The following ZNF565 variants were observed in gnomAD, a reference collection of about 807,000 sequenced individuals.
ZNF565 encodes the protein zinc finger protein 565.
Under a neutral mutation model 39.4 loss-of-function variants are expected in ZNF565, and 27 were observed. The observed-to-expected ratio is 0.69, with a 90% CI of 0.51 to 0.95. ZNF565 has a LOEUF of 0.95. ZNF565 is among the 40% of genes least tolerant of loss of function. ZNF565 has a pLI of 0.00. For synonymous variants in ZNF565, 185 were observed against 216.6 expected (o/e 0.85, Z 1.28); for missense variants, 524 against 621.1 (o/e 0.84, Z 1.66).
At chr19:36,211,449 T>TCTCTCACACACACACA (rs1229625965) in intron 1 of ZNF565, among the ~76,000 whole-genome samples, 1 of 137,676 alleles carries the variant, frequency 7.3e-6, no homozygotes, top group African/African-American at 2.7e-5. Flanking sequence ...CAACTCTCTC[T>TCTCTCACACACACACA]CACACACACA....
chr19:36,233,073 T>A (rs555648018), intron 1 of ZNF565, among the ~76,000 whole-genome samples: 1 of 152,240 alleles, frequency 6.6e-6, no homozygotes, highest in Non-Finnish European at 1.5e-5. Context: ...AAATTAAATA[T>A]GTATTTTCTA....
intron 1 of ZNF565, among the ~76,000 whole-genome samples, chr19:36,233,555 C>T (rs1176591916): frequency 2.0e-5 from 3 of 151,906 alleles, no homozygotes; most frequent in Non-Finnish European, 4.4e-5. Flanking sequence ...TGATCATTAT[C>T]GGGCGTTTCT....
In ZNF565 at chr19:36,183,560, TA is replaced by T; in HGVS notation, c.405del (p.Phe135LeufsTer4). On this transcript the variant is annotated frameshift_variant, in exon 5 of 5. Coordinates refer to ENST00000304116, the MANE Select transcript of ZNF565 (RefSeq NM_152477.5). LOFTEE classifies it low-confidence loss of function (END_TRUNC). The part of the protein sequence containing the change: ...FERQVNEECY[F>X]KQVNVTYGHM... ...TGTCCATAGGTGACGTTCACTTGCT[TA>T]AAATAGCACTCTTCATTGACTTGTC... 6.2e-7 allele frequency: 1 copy of T among 1,614,190 alleles called. No homozygotes were observed. The highest frequency in any genetic ancestry group is 2.2e-5 in the East Asian group (1 of 44,880).
At chr19:36,187,783 G>A (rs1206747116) in intron 4 of ZNF565, among the ~76,000 whole-genome samples, 3 of 151,782 alleles carry the variant, frequency 2.0e-5, no homozygotes, top group Non-Finnish European at 4.4e-5. Flanking sequence ...GGCTACAGCC[G>A]TGTGCCACCA....
intron 1 of ZNF565, among the ~76,000 whole-genome samples, chr19:36,211,597 T>C (rs1976362580): frequency 6.6e-6 from 1 of 151,340 alleles, no homozygotes; most frequent in Non-Finnish European, 1.5e-5. Flanking sequence ...ATCGAGACCA[T>C]CCTGGCTAAC....
At chr19:36,207,331 G>A (rs1265255414) in intron 1 of ZNF565, among the ~76,000 whole-genome samples, 1 of 152,086 alleles carries the variant, frequency 6.6e-6, no homozygotes, top group Non-Finnish European at 1.5e-5. Context: ...ATCACCTGAG[G>A]CCAGGAGTTA....
At chr19:36,196,031 G>T (rs1975748427) in intron 2 of ZNF565, among the ~76,000 whole-genome samples, 2 of 151,896 alleles carry the variant, frequency 1.3e-5, no homozygotes, top group South Asian at 4.2e-4. Flanking sequence ...CTTCCTCCTG[G>T]GTTCAAGCAA....
chr19:36,194,789 G>A (rs778020783), intron 3 of ZNF565: 7 of 612,778 alleles, frequency 1.1e-5, no homozygotes, highest in African/African-American at 1.8e-5. Context: ...GGAGATCAGT[G>A]GACAGGAGGA....
chr19:36,191,237 G>A, intron 4 of ZNF565, among the ~76,000 whole-genome samples: 1 of 151,018 alleles, frequency 6.6e-6, no homozygotes, highest in Admixed American at 6.6e-5. Flanking sequence ...GTAAAAGATG[G>A]TATGGTAAAG....
At chr19:36,211,546 T>C (rs1245921426) in intron 1 of ZNF565, among the ~76,000 whole-genome samples, 12 of 150,332 alleles carry the variant, frequency 8.0e-5, no homozygotes, top group Non-Finnish European at 1.5e-5. Flanking sequence ...GTAATCCCAG[T>C]ACTTTGGGAG....
In ZNF565 at chr19:36,183,498, T is replaced by A; in HGVS notation, c.468A>T (p.Val156=). 1 of 1,614,268 alleles carries A rather than the reference T, an allele frequency of 6.2e-7. No homozygotes were observed. The highest frequency in any genetic ancestry group is 8.5e-7 in the Non-Finnish European group (1 of 1,180,058). The part of the protein sequence containing the change: ...PVFQHHTSHT[V]RQSRETGEKL... ...TCTCACCAGTCTCCCTGCTCTGACG[T>A]ACAGTGTGAGACGTGTGATGCTGGA... Residue 156 remains valine (V), a synonymous_variant, in exon 5 of 5, where the codon GTA becomes GTT. Transcript: ENST00000304116.
chr19:36,197,133 G>A lies in ZNF565; in HGVS notation c.10-1977C>T, dbSNP rs549957459. Among the ~76,000 whole-genome samples, 12 of 151,874 alleles carry A rather than the reference G, an allele frequency of 7.9e-5. No individual in the cohort carries two copies. The South Asian group carries it at 1.9e-3, about 24-fold the overall frequency. On this transcript the variant is annotated intron_variant, in intron 2 of 4. Coordinates refer to ENST00000304116, the MANE Select transcript of ZNF565 (RefSeq NM_152477.5). Reference sequence around the variant, plus strand: ...TAAAACTACAAAAAATTAGCCAGGCGTGGTAGTGCACACCTGTAATCCCAG... The same window carrying A: ...TAAAACTACAAAAAATTAGCCAGGCATGGTAGTGCACACCTGTAATCCCAG...
rs1199082360 is a variant in ZNF565 at position 36,245,062 on chromosome 19, T to C, written c.55+414A>G. 1.3e-5 allele frequency among the ~76,000 whole-genome samples: 2 copies of C among 152,186 alleles called. No homozygotes were observed. Among genetic ancestry groups the C allele is most frequent in the African/African-American group, 2.4e-5 (1 of 41,452 alleles). Reference sequence around the variant, plus strand: ...CTAGGCTAGAAACTGTTGGAAACTCTTAATTTATCATGTGACGTTTTATTT... The same window carrying C: ...CTAGGCTAGAAACTGTTGGAAACTCCTAATTTATCATGTGACGTTTTATTT... On this transcript the variant is annotated intron_variant, in intron 1 of 4. Transcript: ENST00000355114. This position sits in a 1 kb window ranked among gnomAD's most constrained non-coding sequence, Gnocchi z 4.4.
At chr19:36,215,677 C>A (rs1976571882), upstream of ZNF565, among the ~76,000 whole-genome samples, 1 of 151,076 alleles carries the variant, frequency 6.6e-6, no homozygotes, top group African/African-American at 2.4e-5. Context: ...TTTAATTAAA[C>A]GAGAGTGTTT....
chr19:36,234,469 A>G (rs936535896), intron 1 of ZNF565, among the ~76,000 whole-genome samples: 3 of 152,290 alleles, frequency 2.0e-5, no homozygotes, highest in South Asian at 2.1e-4. Context: ...CATTTTTCCA[A>G]TTGTCCCCAG....
At chr19:36,198,969 T>G (rs537010271) in intron 2 of ZNF565, among the ~76,000 whole-genome samples, 1 of 152,266 alleles carries the variant, frequency 6.6e-6, no homozygotes, top group East Asian at 1.9e-4. Flanking sequence ...GCTTGAGGGG[T>G]TGGATACCCC....
intron 1 of ZNF565, among the ~76,000 whole-genome samples, chr19:36,234,092 G>T (rs199589235): frequency 1.3e-5 from 2 of 151,418 alleles, no homozygotes; most frequent in Non-Finnish European, 1.5e-5. Flanking sequence ...TGACTCTTAA[G>T]GAGCATGCTG....
chr19:36,195,307 CCT>C lies in ZNF565; in HGVS notation c.10-153_10-152del, dbSNP rs1468873275. 4 of 889,162 alleles carry C rather than the reference CCT, an allele frequency of 4.5e-6. No homozygotes were observed. The African/African-American group carries it at 5.1e-5, about 11-fold the overall frequency. 55.1% of individuals were successfully genotyped at this position (889,162 alleles called of 1,614,324 possible). A position where few individuals can be genotyped will look rare whatever the true frequency, so the allele number is the denominator to read the frequency against. On this transcript the variant is annotated intron_variant, in intron 2 of 4. Coordinates refer to ENST00000304116, the MANE Select transcript of ZNF565 (RefSeq NM_152477.5). ...TGCTTCAACAGTTAACAAGGTGTAC[CCT>C]GTTTTATCTCTTCCCTTCTATCTTT... is the stretch of plus-strand genomic sequence containing the variant.
chr19:36,224,992 T>C (rs1230249638), intron 1 of ZNF565, among the ~76,000 whole-genome samples: 1 of 152,198 alleles, frequency 6.6e-6, no homozygotes, highest in East Asian at 1.9e-4. Flanking sequence ...TTATTTGTAA[T>C]TAGATTATAT....
Sources: gnomAD v4.1 joint callset for allele counts (sites outside exome capture counted in the v4.1 genomes callset) on GRCh38, gnomAD v4.1.1 for gene constraint, Gnocchi (gnomAD v3.1) non-coding constraint, MANE v1.5 for transcripts, NCBI Gene and HGNC (gene_info 2026-07-23, HGNC 2026-07-21) for gene names.